The following SLC5A1 variants were observed in gnomAD, a reference collection of about 807,000 sequenced individuals.
SLC5A1 encodes sodium/glucose cotransporter 1.
A neutral mutation model predicts 73.5 loss-of-function variants in SLC5A1; 42 were observed. The ratio of observed to expected loss-of-function variants is 0.57; its 90% CI spans 0.45 to 0.74. The LOEUF (loss-of-function observed/expected upper bound fraction) is 0.74. Ranked by LOEUF, SLC5A1 falls within the 30% of genes least tolerant of loss-of-function variation. The pLI, the probability that SLC5A1 is intolerant of heterozygous loss-of-function variation, is 0.00. For synonymous variants in SLC5A1, 300 were observed against 317.4 expected (o/e 0.95, Z 0.58); for missense variants, 634 against 855.4 (o/e 0.74, Z 3.23).
At position 32,099,252 on chromosome 22, in the gene SLC5A1, G is replaced by C; in HGVS notation, c.1350G>C (p.Gly450=). The change falls in exon 12 of 15, where the codon GGG becomes GGC. Residue 450 remains glycine, a synonymous_variant. Transcript: ENST00000266088. ...WVPIVQSAQS[G]QLFDYIQSIT... is the part of the protein sequence containing the mutation. ...CCATTGTGCAGTCAGCACAAAGTGG[G>C]CAACTCTTCGATTACATCCAGTCCA... is the stretch of plus-strand genomic sequence containing the variant. 2 of 1,613,504 alleles carry C rather than the reference G, an allele frequency of 1.2e-6. No individual in the cohort carries two copies. Among genetic ancestry groups the C allele is most frequent in the African/African-American group, 2.7e-5 (2 of 74,934 alleles).
At chr22:32,090,309 C>T (rs1264257580) in intron 10 of SLC5A1, among the ~76,000 whole-genome samples, 4 of 152,024 alleles carry the variant, frequency 2.6e-5, no homozygotes, top group South Asian at 2.1e-4. Flanking sequence ...CCTATTTCAC[C>T]CCAACCTCCC....
At chr22:32,083,185 G>A (rs1355404645) in intron 7 of SLC5A1, 31 bp downstream of exon 7, 1 of 1,585,370 alleles carries the variant, frequency 6.3e-7, no homozygotes, top group East Asian at 2.2e-5. Flanking sequence ...CTGAGGAGGT[G>A]GGAGCAGAGG....
intron 14 of SLC5A1, among the ~76,000 whole-genome samples, chr22:32,109,127 T>G (rs2094051627): frequency 6.6e-6 from 1 of 152,154 alleles, no homozygotes; most frequent in African/African-American, 2.4e-5. Flanking sequence ...TGAGCTATGA[T>G]TACCCCACTG....
Position 32,065,873 on chromosome 22 carries a change from C to T in SLC5A1, c.208-1062C>T, listed in dbSNP as rs779848011. On this transcript the variant is annotated intron_variant, in intron 2 of 14. Transcript: ENST00000266088. ...GGCATAATCTCTTTTGGGAAATAAG[C>T]GTTTTGTTCCAGGTTTGGACCATCT... 1.1e-4 allele frequency among the ~76,000 whole-genome samples: 17 copies of T among 152,132 alleles called. 1 individual carries two copies. The highest frequency in any genetic ancestry group is 2.5e-4 in the Non-Finnish European group (17 of 68,012).
chr22:32,082,301 G>A (rs954955265), intron 6 of SLC5A1, among the ~76,000 whole-genome samples: 17 of 152,168 alleles, frequency 1.1e-4, no homozygotes, highest in Non-Finnish European at 2.4e-4. Flanking sequence ...GCACAGGGGA[G>A]TGGAGGCAGG....
At chr22:32,057,527 A>G (rs920051607) in intron 2 of SLC5A1, among the ~76,000 whole-genome samples, 10 of 152,206 alleles carry the variant, frequency 6.6e-5, no homozygotes, top group Non-Finnish European at 1.3e-4. Context: ...TGGCCTCCCA[A>G]GGTGCTGGCA....
chr22:32,059,459 C>A, intron 2 of SLC5A1: 2 of 606,448 alleles, frequency 3.3e-6, no homozygotes, highest in Non-Finnish European at 4.1e-6. Context: ...ATGAAGAGGG[C>A]ATTCCAGGAA....
At chr22:32,084,730 G>A in intron 8 of SLC5A1, 71 bp downstream of exon 8, 4 of 1,529,416 alleles carry the variant, frequency 2.6e-6, no homozygotes, top group Non-Finnish European at 3.6e-6. Flanking sequence ...GTCTGTCTGT[G>A]GTTTGCAGGG....
Position 32,099,169 on chromosome 22 carries a change from G to T in SLC5A1, c.1281-14G>T. 1 of 1,585,912 alleles carries T rather than the reference G, an allele frequency of 6.3e-7. No homozygotes were observed. ...CTATTTATTGACACCTTGTTGTGGG[G>T]GCTTTAATTTCAGGTTGTTTATCCT... On this transcript the variant is annotated splice_polypyrimidine_tract_variant and intron_variant, in intron 11 of 14. Coordinates refer to ENST00000266088, the MANE Select transcript of SLC5A1 (RefSeq NM_000343.4).
At chr22:32,100,137 T>C (rs909493820) in intron 12 of SLC5A1, among the ~76,000 whole-genome samples, 2 of 152,104 alleles carry the variant, frequency 1.3e-5, no homozygotes, top group East Asian at 3.9e-4. Flanking sequence ...GTGAAGGACT[T>C]GTATGGAATC....
chr22:32,102,286 A>G (rs769975538), intron 13 of SLC5A1, 49 bp downstream of exon 13: 1 of 1,389,050 alleles, frequency 7.2e-7, no homozygotes, highest in Admixed American at 1.7e-5. Flanking sequence ...TCACACTGCA[A>G]TGTTCTTTAA....
chr22:32,077,145 T>C lies in SLC5A1; in HGVS notation c.478-4721T>C, dbSNP rs903389356. Among the ~76,000 whole-genome samples, 2 of 152,288 alleles carry C rather than the reference T, an allele frequency of 1.3e-5. 1 individual carries two copies. Among genetic ancestry groups the C allele is most frequent in the Middle Eastern group, 6.8e-3 (2 of 294 alleles). On this transcript the variant is annotated intron_variant, in intron 5 of 14. Transcript: ENST00000266088. ...CCATAATTTTTTATTTCACTTCAAG[T>C]TGGTTTTGCTTAGCAGCATTGGAGA...
chr22:32,050,132 T>C (rs1033352212), intron 2 of SLC5A1, 118 bp downstream of exon 2: 1 of 891,084 alleles, frequency 1.1e-6, no homozygotes, highest in Non-Finnish European at 1.9e-6. Context: ...CCCAACCAGA[T>C]TCTTGACAGT....
At chr22:32,087,459 T>C (rs2094010077) in intron 10 of SLC5A1, among the ~76,000 whole-genome samples, 1 of 152,140 alleles carries the variant, frequency 6.6e-6, no homozygotes, top group Admixed American at 6.5e-5. Context: ...ACCTGGAGAA[T>C]GAATTGACTT....
At chr22:32,069,305 T>C (rs558569720) in intron 5 of SLC5A1, among the ~76,000 whole-genome samples, 6 of 152,082 alleles carry the variant, frequency 3.9e-5, no homozygotes, top group Admixed American at 3.3e-4. Context: ...GGTCAAAGGA[T>C]ACAAAATTTC....
At chr22:32,047,818 T>C (rs2149482701) in intron 1 of SLC5A1, among the ~76,000 whole-genome samples, 1 of 152,304 alleles carries the variant, frequency 6.6e-6, no homozygotes, top group Middle Eastern at 3.4e-3. Context: ...GCCTTTGGAA[T>C]AGTGATTTGG....
chr22:32,109,898 T>C (rs975661085), intron 14 of SLC5A1, 92 bp from the exon 15 acceptor site: 20 of 941,360 alleles, frequency 2.1e-5, no homozygotes, highest in Admixed American at 1.8e-5. Context: ...TTCTGCAGAA[T>C]AGCAGATGCT....
At chr22:32,102,296 A>T (rs1167784474) in intron 13 of SLC5A1, 59 bp downstream of exon 13, 2 of 1,331,294 alleles carry the variant, frequency 1.5e-6, no homozygotes, top group Admixed American at 1.7e-5. Context: ...ATGTTCTTTA[A>T]TTTTTTTTAA....
intron 5 of SLC5A1, among the ~76,000 whole-genome samples, chr22:32,078,249 G>C (rs532347098): frequency 3.3e-5 from 5 of 150,394 alleles, no homozygotes; most frequent in Non-Finnish European, 7.5e-5. Flanking sequence ...TAACTTCTGC[G>C]GTTATTTATT....
Sources: allele counts gnomAD v4.1 joint callset (sites outside exome capture counted in the v4.1 genomes callset), GRCh38; gene constraint gnomAD v4.1.1; transcripts MANE v1.5; gene names NCBI Gene and HGNC (gene_info 2026-07-23, HGNC 2026-07-21).